Variants in SMPD4 observed in about 807,000 individuals in gnomAD.
SMPD4 encodes sphingomyelin phosphodiesterase 4, also known as neutral sphingomyelinase 3.
A neutral mutation model predicts 97.8 loss-of-function variants in SMPD4; 58 were observed. The observed-to-expected ratio is 0.59, with a 90% CI of 0.48 to 0.74. SMPD4 has a LOEUF of 0.74. Ranked by LOEUF, SMPD4 falls within the 30% of genes least tolerant of loss-of-function variation. The probability of loss-of-function intolerance (pLI) is 0.00; values close to 1 mark genes in which losing one functional copy is unlikely to be tolerated. For missense variants in SMPD4, 853 were observed against 1,080.5 expected, an observed-to-expected ratio of 0.79 and a Z score of 2.95; for synonymous variants, 388 against 450.0, an observed-to-expected ratio of 0.86 and a Z score of 1.74.
chr2:130,156,111 G>C lies in SMPD4; in HGVS notation c.1213C>G (p.Leu405Val). 6.2e-7 allele frequency: 1 copy of C among 1,611,188 alleles called. No homozygotes were observed. The highest frequency in any genetic ancestry group is 2.2e-5 in the East Asian group (1 of 44,866). The change falls in exon 14 of 20, where the codon CTG (leucine) becomes GTG (valine). Residue 405 changes from leucine (L) to valine (V), a missense_variant. By Grantham distance (32) the Leu-to-Val change is conservative (BLOSUM62 1). Coordinates refer to ENST00000680298, the MANE Select transcript of SMPD4 (RefSeq NM_017951.5). Reference protein sequence around the residue: ...RAVLEMWLSYLQPWRYAPDKQ... With the variant: ...RAVLEMWLSYVQPWRYAPDKQ... Reference sequence around the variant, plus strand: ...TCAGGCGCGTACCGCCACGGCTGCAGGTAGCTCAGCCACATCTCCAGGACC... The same window carrying C: ...TCAGGCGCGTACCGCCACGGCTGCACGTAGCTCAGCCACATCTCCAGGACC...
chr2:130,173,488 C>A (rs1296219660), intron 4 of SMPD4, 26 bp downstream of exon 4: 2 of 1,588,600 alleles, frequency 1.3e-6, no homozygotes, highest in Non-Finnish European at 1.7e-6. Context: ...ATCACCCAGC[C>A]TCTCTCCGGT....
intron 13 of SMPD4, 198 bp from the exon 14 acceptor site, chr2:130,156,333 AG>A: frequency 1.5e-6 from 1 of 662,658 alleles, no homozygotes; most frequent in South Asian, 2.0e-5. Context: ...TTCCCAGCCC[AG>A]GGGGCAGAGT....
In SMPD4 at chr2:130,172,420, C is replaced by A. The variant is rs1263576025; in HGVS notation, c.588G>T (p.Leu196=). The change falls in exon 8 of 20, where the codon CTG becomes CTT. Residue 196 remains leucine, a synonymous_variant. Transcript: ENST00000680298. ...GTGGGGGCACACTGCCTTCGGTGGG[C>A]AGGAACCATGACAGGTACCTGTCCA... ...ILVDRYLSWF[L]PTEGSVPPPL... is the part of the protein sequence containing the mutation. The A allele has an allele frequency of 1.2e-6, 2 of 1,611,808 alleles. No homozygotes were observed. Among genetic ancestry groups the A allele is most frequent in the East Asian group, 2.2e-5 (1 of 44,864 alleles).
intron 11 of SMPD4, among the ~76,000 whole-genome samples, chr2:130,160,221 G>A (rs575471585): frequency 2.0e-5 from 3 of 152,196 alleles, no homozygotes; most frequent in South Asian, 2.1e-4. Context: ...CCTCCCTGGC[G>A]CAAGCCCTCA....
chr2:130,170,429 C>CT (rs1688335907), intron 8 of SMPD4, among the ~76,000 whole-genome samples: 1 of 128,960 alleles, frequency 7.8e-6, no homozygotes, highest in Admixed American at 9.4e-5. Context: ...CCACTGCACT[C>CT]CAGCCTGGGC....
intron 9 of SMPD4, among the ~76,000 whole-genome samples, 172 bp downstream of exon 9, chr2:130,167,286 A>G (rs914720573): frequency 6.6e-6 from 1 of 151,886 alleles, no homozygotes; most frequent in African/African-American, 2.4e-5. Context: ...ACGCCCAACT[A>G]ATTTTTGTGT....
chr2:130,180,187 T>G (rs1185308056), intron 1 of SMPD4, among the ~76,000 whole-genome samples: 2 of 142,500 alleles, frequency 1.4e-5, no homozygotes, highest in Non-Finnish European at 3.1e-5. Context: ...ATGGTCTCGA[T>G]CTCCTGACCT....
At chr2:130,165,852 G>A (rs1687879450) in intron 9 of SMPD4, among the ~76,000 whole-genome samples, 2 of 152,168 alleles carry the variant, frequency 1.3e-5, no homozygotes, top group South Asian at 4.1e-4. Flanking sequence ...TTAGAGGTGT[G>A]AGGCCCCTGC....
chr2:130,166,456 A>C (rs1687936880), intron 9 of SMPD4, among the ~76,000 whole-genome samples: 1 of 152,134 alleles, frequency 6.6e-6, no homozygotes, highest in African/African-American at 2.4e-5. Flanking sequence ...CCATCTGGGC[A>C]TCATGGTCCC....
At position 130,172,905 on chromosome 2, in the gene SMPD4, G is replaced by C. The variant is rs1324151611; in HGVS notation, c.346-10C>G. On this transcript the variant is annotated splice_polypyrimidine_tract_variant and intron_variant, in intron 5 of 19. Coordinates refer to ENST00000680298, the MANE Select transcript of SMPD4 (RefSeq NM_017951.5). ...ACGCCTTCACAGGACCCTGCAGAGAGAGGCAGTGAGGCTTGTGGGCAGGTG... is the reference window on the plus strand; with the variant it reads ...ACGCCTTCACAGGACCCTGCAGAGACAGGCAGTGAGGCTTGTGGGCAGGTG... 1 of 1,604,842 alleles carries C rather than the reference G, an allele frequency of 6.2e-7. No homozygotes were observed. The highest frequency in any genetic ancestry group is 8.5e-7 in the Non-Finnish European group (1 of 1,175,706).
At chr2:130,169,229 A>C (rs533224577) in intron 8 of SMPD4, among the ~76,000 whole-genome samples, 1 of 152,320 alleles carries the variant, frequency 6.6e-6, no homozygotes, top group South Asian at 2.1e-4. Context: ...GGTCAAGGTC[A>C]GGAAAGACAG....
At chr2:130,179,061 T>TGA (rs748749810) in intron 1 of SMPD4, among the ~76,000 whole-genome samples, 5 of 150,872 alleles carry the variant, frequency 3.3e-5, no homozygotes, top group Middle Eastern at 7.2e-3. Context: ...AGCTGTAGAG[T>TGA]GAGAGGAGAC....
At chr2:130,171,322 C>T (rs1387938666) in intron 8 of SMPD4, among the ~76,000 whole-genome samples, 2 of 151,854 alleles carry the variant, frequency 1.3e-5, no homozygotes, top group Non-Finnish European at 2.9e-5. Flanking sequence ...AGGCTGGTCT[C>T]GAATTCCTGA....
intron 2 of SMPD4, among the ~76,000 whole-genome samples, chr2:130,175,908 G>A (rs1573731029): frequency 6.6e-6 from 1 of 152,086 alleles, no homozygotes; most frequent in Non-Finnish European, 1.5e-5. Context: ...CCACATAAAT[G>A]TTTACAAAAA....
intron 11 of SMPD4, chr2:130,158,357 G>C: frequency 1.4e-6 from 1 of 721,884 alleles, no homozygotes; most frequent in Non-Finnish European, 1.9e-6. Flanking sequence ...TCCCTCTGTC[G>C]CCCAGGCTGG....
rs551762708 is a variant in SMPD4, at chr2:130,166,019, CT to C, written c.792+1438del. Among the ~76,000 whole-genome samples, 434 of 151,968 alleles carry C rather than the reference CT, an allele frequency of 2.9e-3. 2 individuals carry two copies. The highest frequency in any genetic ancestry group is 9.8e-3 in the African/African-American group (406 of 41,464). On this transcript the variant is annotated intron_variant, in intron 9 of 19. Coordinates refer to ENST00000680298, the MANE Select transcript of SMPD4 (RefSeq NM_017951.5). ...ATATATCTTATAATTAAATTTTTTT[CT>C]TAGTTAAAAAAACAAAAAGGGCCGG...
In SMPD4 at chr2:130,156,598, G is replaced by T; in HGVS notation, c.1175C>A (p.Ala392Glu). The T allele has an allele frequency of 6.2e-7, 1 of 1,613,662 alleles. No individual in the cohort carries two copies. Among genetic ancestry groups the T allele is most frequent in the Non-Finnish European group, 8.5e-7 (1 of 1,179,826 alleles). Reference sequence around the variant, plus strand: ...GCCAACACTCACAGCTCTGAACGATGCGTCCAGGGGCCAGTGGCCAAAGCA... The same window carrying T: ...GCCAACACTCACAGCTCTGAACGATTCGTCCAGGGGCCAGTGGCCAAAGCA... ...QHCFGHWPLD[A>E]SFRAVLEMWL... Residue 392 changes from alanine to glutamate, a missense_variant, in exon 13 of 20, where the codon GCA (alanine) becomes GAA (glutamate). Transcript: ENST00000680298.
At chr2:130,176,739 A>G in intron 1 of SMPD4, 102 bp from the exon 2 acceptor site, 1 of 906,272 alleles carries the variant, frequency 1.1e-6, no homozygotes, top group Non-Finnish European at 1.7e-6. Flanking sequence ...CCAGGCTGGC[A>G]TGCAGCAGCA....
At chr2:130,171,348 C>G (rs1241179014) in intron 8 of SMPD4, among the ~76,000 whole-genome samples, 1 of 152,076 alleles carries the variant, frequency 6.6e-6, no homozygotes, top group Admixed American at 6.5e-5. Context: ...GGCGATCCCT[C>G]CACCTTGGCC....
Sources: gnomAD v4.1 joint callset for allele counts (sites outside exome capture counted in the v4.1 genomes callset) on GRCh38, gnomAD v4.1.1 for gene constraint, MANE v1.5 for transcripts, NCBI Gene and HGNC (gene_info 2026-07-23, HGNC 2026-07-21) for gene names.